Variants in PPFIBP1 observed in about 807,000 individuals in gnomAD.
PPFIBP1 encodes liprin-beta-1.
Under a neutral mutation model 137.8 loss-of-function variants are expected in PPFIBP1, and 112 were observed. The observed-to-expected ratio is 0.81, with a 90% CI of 0.70 to 0.95. PPFIBP1 has a LOEUF of 0.95. PPFIBP1 is among the 40% of genes least tolerant of loss of function. The pLI, the probability that PPFIBP1 is intolerant of heterozygous loss-of-function variation, is 0.00. For missense variants in PPFIBP1, 1,083 were observed against 1,196.6 expected, an observed-to-expected ratio of 0.91 and a Z score of 1.40; for synonymous variants, 378 against 417.3, an observed-to-expected ratio of 0.91 and a Z score of 1.15.
Position 27,677,050 on chromosome 12 carries a change from T to C in PPFIBP1, c.1583-14T>C. Reference sequence around the variant, plus strand: ...GGCTGCGTGTGATTGTGTGCGTTGTTGGGATATCTGAAGATCGTAAACGAA... The same window carrying C: ...GGCTGCGTGTGATTGTGTGCGTTGTCGGGATATCTGAAGATCGTAAACGAA... On this transcript the variant is annotated splice_polypyrimidine_tract_variant and intron_variant, in intron 18 of 29. Coordinates refer to ENST00000228425, the MANE Select transcript of PPFIBP1 (RefSeq NM_003622.4). 2 of 1,614,190 alleles carry C rather than the reference T, an allele frequency of 1.2e-6. No individual in the cohort carries two copies. The highest frequency in any genetic ancestry group is 1.7e-6 in the Non-Finnish European group (2 of 1,180,012).
At chr12:27,682,546 GC>G (rs2060936450) in intron 23 of PPFIBP1, 48 bp downstream of exon 23, 1 of 1,604,474 alleles carries the variant, frequency 6.2e-7, no homozygotes, top group East Asian at 2.2e-5. Flanking sequence ...ATACATAGTT[GC>G]TTTTTCTTTT....
rs377752142 is a variant in PPFIBP1, at chr12:27,673,769, C to A, written c.1322C>A (p.Thr441Asn). ...VDTQLCDKLL[T>N]SSLQKSSSLG... Reference sequence around the variant, plus strand: ...ATTGTTATTACTGTTATTTTTAGAACTTCAAGTCTGCAGAAGTCCAGCAGC... The same window carrying A: ...ATTGTTATTACTGTTATTTTTAGAAATTCAAGTCTGCAGAAGTCCAGCAGC... Residue 441 changes from threonine to asparagine, a missense_variant and splice_region_variant, in exon 16 of 30, where the codon ACT becomes AAT. Transcript: ENST00000228425. 6 of 1,612,362 alleles carry A rather than the reference C, an allele frequency of 3.7e-6. No homozygotes were observed. The highest frequency in any genetic ancestry group is 1.3e-5 in the African/African-American group (1 of 74,860).
chr12:27,565,885 A>G lies in PPFIBP1; in HGVS notation c.-123-12267A>G, dbSNP rs150675524. On this transcript the variant is annotated intron_variant, in intron 1 of 29. Coordinates refer to ENST00000228425, the MANE Select transcript of PPFIBP1 (RefSeq NM_003622.4). ...CAGCTCATCTTGCTACATCCTAACC[A>G]TGTTATTTCTCCATCTTACTCACTT... Among the ~76,000 whole-genome samples, 55 of 152,100 alleles carry G rather than the reference A, an allele frequency of 3.6e-4. No individual in the cohort carries two copies. In the East Asian group the frequency reaches 7.2e-3, roughly 20 times the overall value.
At chr12:27,564,816 C>T (rs7971390) in intron 1 of PPFIBP1, among the ~76,000 whole-genome samples, 48,194 of 151,950 alleles carry the variant, frequency 0.32, 8,096 homozygotes, top group Middle Eastern at 0.45. Context: ...TTTCCCAGGC[C>T]GCCAGCCCCT....
chr12:27,555,751 ATAT>A (rs2048656354), intron 1 of PPFIBP1, among the ~76,000 whole-genome samples: 1 of 152,162 alleles, frequency 6.6e-6, no homozygotes, highest in Non-Finnish European at 1.5e-5. Context: ...CTTTTAAGAA[ATAT>A]TATTTTGGGG....
At chr12:27,591,648 G>A (rs2052530870) in intron 2 of PPFIBP1, among the ~76,000 whole-genome samples, 1 of 152,138 alleles carries the variant, frequency 6.6e-6, no homozygotes, top group Admixed American at 6.5e-5. Flanking sequence ...TTTATCAAGT[G>A]CTTGTGTTAC....
At chr12:27,561,661 C>A (rs1565772941) in intron 1 of PPFIBP1, among the ~76,000 whole-genome samples, 1 of 152,150 alleles carries the variant, frequency 6.6e-6, no homozygotes, top group Non-Finnish European at 1.5e-5. Context: ...ATCATCTCAA[C>A]CTTGTTCAGT....
At chr12:27,594,125 A>G in intron 2 of PPFIBP1, 1 of 721,092 alleles carries the variant, frequency 1.4e-6, no homozygotes, top group Admixed American at 4.4e-5. Context: ...GGGACCGGGG[A>G]GAAGAGAATC....
chr12:27,558,986 A>G (rs1592457361), intron 1 of PPFIBP1, among the ~76,000 whole-genome samples: 1 of 151,964 alleles, frequency 6.6e-6, no homozygotes, highest in East Asian at 1.9e-4. Context: ...TCCCAACTCT[A>G]ATAGGTGGGA....
At chr12:27,639,777 A>G (rs940351395) in intron 4 of PPFIBP1, among the ~76,000 whole-genome samples, 1 of 152,220 alleles carries the variant, frequency 6.6e-6, no homozygotes, top group Non-Finnish European at 1.5e-5. Flanking sequence ...TCCCAAATGT[A>G]TATTTTTAAA....
chr12:27,679,013 T>C (rs1457246087), intron 19 of PPFIBP1, among the ~76,000 whole-genome samples: 1 of 151,674 alleles, frequency 6.6e-6, no homozygotes, highest in Non-Finnish European at 1.5e-5. Context: ...GGCCCAGAGA[T>C]TCTGATCCTC....
chr12:27,584,127 A>T (rs1379015265), intron 2 of PPFIBP1: 1 of 152,202 alleles, frequency 6.6e-6, no homozygotes, highest in Non-Finnish European at 1.5e-5. Context: ...CTGTTTAGAT[A>T]CCACTTTCAC....
At chr12:27,626,310 G>A (rs2056816764) in intron 2 of PPFIBP1, among the ~76,000 whole-genome samples, 1 of 152,174 alleles carries the variant, frequency 6.6e-6, no homozygotes, top group South Asian at 2.1e-4. Flanking sequence ...GGCTTCTTCG[G>A]AGCTGTTATT....
chr12:27,534,369 A>G (rs1223595865), intron 1 of PPFIBP1, among the ~76,000 whole-genome samples: 1 of 152,200 alleles, frequency 6.6e-6, no homozygotes, highest in Non-Finnish European at 1.5e-5. Flanking sequence ...TCAGTAGAGT[A>G]AGAAGCAGTG....
chr12:27,601,509 GCTACACAC>G (rs1431912439), intron 2 of PPFIBP1, among the ~76,000 whole-genome samples: 3 of 152,122 alleles, frequency 2.0e-5, no homozygotes, highest in African/African-American at 7.2e-5. Flanking sequence ...GCTGCCAAAG[GCTACACAC>G]TCTGCTTGAT....
At chr12:27,654,858 A>G in intron 8 of PPFIBP1, 44 bp downstream of exon 8, 2 of 1,586,082 alleles carry the variant, frequency 1.3e-6, no homozygotes. Flanking sequence ...AAATGGCATC[A>G]CTATTCATCT....
chr12:27,546,811 C>A (rs763389558), intron 1 of PPFIBP1, among the ~76,000 whole-genome samples: 1 of 152,096 alleles, frequency 6.6e-6, no homozygotes, highest in East Asian at 1.9e-4. Context: ...CCCAGGAGTT[C>A]GAGACCAGCC....
At chr12:27,562,083 C>A (rs2049213857) in intron 1 of PPFIBP1, among the ~76,000 whole-genome samples, 1 of 151,446 alleles carries the variant, frequency 6.6e-6, no homozygotes. Flanking sequence ...AACTAGCGAC[C>A]CTCCTCTCTG....
chr12:27,657,608 T>G (rs531459314), intron 9 of PPFIBP1, among the ~76,000 whole-genome samples: 46 of 152,156 alleles, frequency 3.0e-4, no homozygotes, highest in African/African-American at 1.1e-3. Context: ...AAGTCCTTCT[T>G]GGCTCTAGAA....
Sources: allele counts gnomAD v4.1 joint callset (sites outside exome capture counted in the v4.1 genomes callset), GRCh38; gene constraint gnomAD v4.1.1; transcripts MANE v1.5; gene names NCBI Gene and HGNC (gene_info 2026-07-23, HGNC 2026-07-21).